SLIT2: variants seen among roughly 807,000 people sequenced by gnomAD.
The protein encoded by SLIT2 is slit homolog 2 protein.
SLIT2 carries 41 observed loss-of-function variants against 185.7 expected under a neutral mutation model. That is an observed-to-expected ratio of 0.22 (90% CI 0.17 to 0.29). The LOEUF (loss-of-function observed/expected upper bound fraction) is 0.29. SLIT2 is among the 10% of genes least tolerant of loss of function. The probability of loss-of-function intolerance (pLI) is 1.00; values close to 1 mark genes in which losing one functional copy is unlikely to be tolerated. For missense variants in SLIT2, 1,571 were observed against 1,909.0 expected, an observed-to-expected ratio of 0.82 and a Z score of 3.30; for synonymous variants, 693 against 680.2, an observed-to-expected ratio of 1.02 and a Z score of -0.29.
chr4:20,281,989 TAAC>T (rs1714822022), intron 4 of SLIT2, among the ~76,000 whole-genome samples: 2 of 152,220 alleles, frequency 1.3e-5, no homozygotes, highest in Non-Finnish European at 2.9e-5. Flanking sequence ...CATGCAGGAA[TAAC>T]TGTTGTTACC....
intron 4 of SLIT2, among the ~76,000 whole-genome samples, chr4:20,401,004 T>C (rs951968086): frequency 6.6e-6 from 1 of 151,854 alleles, no homozygotes; most frequent in African/African-American, 2.4e-5. Flanking sequence ...TTAGGGCACA[T>C]GTAACAAAAG....
At chr4:20,388,166 T>C (rs541174612) in intron 4 of SLIT2, among the ~76,000 whole-genome samples, 11 of 152,278 alleles carry the variant, frequency 7.2e-5, no homozygotes, top group African/African-American at 2.2e-4. Context: ...TTCTTAAATA[T>C]GGTATCAAAA....
intron 4 of SLIT2, among the ~76,000 whole-genome samples, chr4:20,327,541 A>T (rs1019051853): frequency 3.2e-4 from 48 of 152,126 alleles, no homozygotes; most frequent in African/African-American, 1.1e-3. Context: ...TTCTTTTAAT[A>T]ATTGGCAAGC....
chr4:20,307,278 C>CCTTT (rs1560302664), intron 4 of SLIT2, among the ~76,000 whole-genome samples: 1 of 146,354 alleles, frequency 6.8e-6, no homozygotes, highest in Non-Finnish European at 1.5e-5. Flanking sequence ...TTCCTTCCTT[C>CCTTT]CTTAAACTAA....
chr4:20,502,437 G>A (rs776354958), intron 9 of SLIT2, among the ~76,000 whole-genome samples: 1 of 152,186 alleles, frequency 6.6e-6, no homozygotes, highest in African/African-American at 2.4e-5. Flanking sequence ...GATGAAAGGG[G>A]ACAGTCTCAA....
At chr4:20,417,985 A>G (rs1407653219) in intron 4 of SLIT2, among the ~76,000 whole-genome samples, 1 of 152,086 alleles carries the variant, frequency 6.6e-6, no homozygotes, top group African/African-American at 2.4e-5. Flanking sequence ...AATTTTCAGC[A>G]CTTTCCACTG....
intron 12 of SLIT2, among the ~76,000 whole-genome samples, chr4:20,523,078 A>G (rs1442183325): frequency 6.6e-6 from 1 of 152,180 alleles, no homozygotes; most frequent in African/African-American, 2.4e-5. Flanking sequence ...GGGAGGCTGG[A>G]TTGAGAAGGC....
rs1716683960 is a variant in SLIT2, at chr4:20,481,359, T to C, written c.539+572T>C. On this transcript the variant is annotated intron_variant, in intron 6 of 36. Coordinates refer to ENST00000504154, the MANE Select transcript of SLIT2 (RefSeq NM_004787.4). ...ACCTCCTTTCCTCCCTGGGTAGGCA[T>C]GACTGACAAAATTGGTTAGAGGCAA... Among the ~76,000 whole-genome samples the C allele has an allele frequency of 2.0e-5, 3 of 152,268 alleles. No homozygotes were observed. In the South Asian group the frequency reaches 6.2e-4, roughly 32 times the overall value.
chr4:20,283,623 T>G (rs866393503), intron 4 of SLIT2, among the ~76,000 whole-genome samples: 1 of 152,216 alleles, frequency 6.6e-6, no homozygotes, highest in South Asian at 2.1e-4. Flanking sequence ...TCTCATCTCT[T>G]AGTTCCCCCA....
intron 4 of SLIT2, among the ~76,000 whole-genome samples, chr4:20,409,846 T>C (rs1168594708): frequency 7.2e-5 from 11 of 152,248 alleles, no homozygotes. Context: ...TTTTCATATG[T>C]TTGCTGGCCG....
chr4:20,323,701 T>C (rs1382492444), intron 4 of SLIT2, among the ~76,000 whole-genome samples: 2 of 152,170 alleles, frequency 1.3e-5, no homozygotes, highest in East Asian at 1.9e-4. Flanking sequence ...TAGTTAGAGA[T>C]AGAAAACATA....
At position 20,364,931 on chromosome 4, in the gene SLIT2, C is replaced by T. The variant is rs185677765; in HGVS notation, c.395+96050C>T. Reference sequence around the variant, plus strand: ...CAATGGACTCATGACTGTAGCATGTCTTATTTTCACAGATGAAACATTTCA... The same window carrying T: ...CAATGGACTCATGACTGTAGCATGTTTTATTTTCACAGATGAAACATTTCA... On this transcript the variant is annotated intron_variant, in intron 4 of 36. Coordinates refer to ENST00000504154, the MANE Select transcript of SLIT2 (RefSeq NM_004787.4). Among the ~76,000 whole-genome samples, 24 of 152,166 alleles carry T rather than the reference C, an allele frequency of 1.6e-4. No individual in the cohort carries two copies. The East Asian group carries it at 3.1e-3, about 20-fold the overall frequency.
In SLIT2 at chr4:20,594,259, ACACG is replaced by A. The variant is rs541406255; in HGVS notation, c.3183-1435_3183-1432del. Among the ~76,000 whole-genome samples, 206 of 150,190 alleles carry A rather than the reference ACACG, an allele frequency of 1.4e-3. 2 individuals are homozygous for A. Among genetic ancestry groups the A allele is most frequent in the South Asian group, 0.013 (64 of 4,758 alleles). On this transcript the variant is annotated intron_variant, in intron 30 of 36. Transcript: ENST00000504154. ...TGTGTATATACATATACATATACAT[ACACG>A]CATATGTATGTGTGTATGTATATGT...
At chr4:20,578,324 A>C (rs543090388) in intron 29 of SLIT2, among the ~76,000 whole-genome samples, 1 of 152,220 alleles carries the variant, frequency 6.6e-6, no homozygotes, top group East Asian at 1.9e-4. Flanking sequence ...TTTTTTATCT[A>C]TTAGGTTGCT....
At chr4:20,589,215 T>C (rs995274517) in intron 29 of SLIT2, among the ~76,000 whole-genome samples, 6 of 152,138 alleles carry the variant, frequency 3.9e-5, no homozygotes, top group Admixed American at 6.5e-5. Context: ...TGCTGGTACA[T>C]GGTGTGTTTC....
chr4:20,272,515 A>G (rs375278820), intron 4 of SLIT2, among the ~76,000 whole-genome samples: 9 of 152,130 alleles, frequency 5.9e-5, no homozygotes, highest in African/African-American at 2.2e-4. Context: ...GTGTAACCTT[A>G]AAAGAGGCTT....
At chr4:20,504,526 C>T (rs960474185) in intron 9 of SLIT2, among the ~76,000 whole-genome samples, 2 of 152,102 alleles carry the variant, frequency 1.3e-5, no homozygotes, top group Non-Finnish European at 2.9e-5. Context: ...TCCTGTTGAT[C>T]ACAGAGATTG....
At chr4:20,320,000 G>C (rs1053454646) in intron 4 of SLIT2, among the ~76,000 whole-genome samples, 1 of 152,116 alleles carries the variant, frequency 6.6e-6, no homozygotes, top group Admixed American at 6.6e-5. Flanking sequence ...ATCCTCATCA[G>C]TGATCAAAGG....
chr4:20,613,376 C>T (rs965944279), intron 34 of SLIT2, among the ~76,000 whole-genome samples: 2 of 152,124 alleles, frequency 1.3e-5, no homozygotes, highest in Non-Finnish European at 2.9e-5. Context: ...GAGCTGGAGG[C>T]CATTATCCTT....
Sources: gnomAD v4.1 joint callset for allele counts (sites outside exome capture counted in the v4.1 genomes callset) on GRCh38, gnomAD v4.1.1 for gene constraint, MANE v1.5 for transcripts, NCBI Gene and HGNC (gene_info 2026-07-23, HGNC 2026-07-21) for gene names.